The following ITGA9 variants were observed in gnomAD, a reference collection of about 807,000 sequenced individuals.
The protein encoded by ITGA9 is integrin subunit alpha 9.
Under a neutral mutation model 127.8 loss-of-function variants are expected in ITGA9, and 56 were observed. That is an observed-to-expected ratio of 0.44 (90% CI 0.35 to 0.55). ITGA9 has a LOEUF of 0.55. Ranked by LOEUF, ITGA9 falls within the 20% of genes least tolerant of loss-of-function variation. ITGA9 has a pLI of 0.00. For missense variants in ITGA9, 1,196 were observed against 1,347.1 expected, an observed-to-expected ratio of 0.89 and a Z score of 1.76; for synonymous variants, 508 against 514.5, an observed-to-expected ratio of 0.99 and a Z score of 0.17.
At chr3:37,772,824 T>C (rs1032568168) in intron 23 of ITGA9, among the ~76,000 whole-genome samples, 2 of 152,180 alleles carry the variant, frequency 1.3e-5, no homozygotes, top group Admixed American at 1.3e-4. Flanking sequence ...AGATTTTCAT[T>C]CACCGCAGAC....
chr3:37,711,576 T>A (rs1030766799), intron 18 of ITGA9, among the ~76,000 whole-genome samples: 2 of 152,154 alleles, frequency 1.3e-5, no homozygotes, highest in Admixed American at 6.5e-5. Flanking sequence ...GCTCATTTTT[T>A]AATTTTTCGT....
intron 16 of ITGA9, among the ~76,000 whole-genome samples, chr3:37,643,926 C>CT (rs1215158451): frequency 6.6e-6 from 1 of 152,140 alleles, no homozygotes; most frequent in African/African-American, 2.4e-5. Flanking sequence ...GGCTGGCATC[C>CT]TTTTTTCTTT....
chr3:37,558,906 C>T (rs1211138541), intron 15 of ITGA9, among the ~76,000 whole-genome samples: 2 of 152,224 alleles, frequency 1.3e-5, no homozygotes, highest in Non-Finnish European at 2.9e-5. Context: ...TCTCACCGTT[C>T]TCCCCAGGGT....
chr3:37,772,279 G>A (rs1696854056), intron 23 of ITGA9, among the ~76,000 whole-genome samples: 1 of 152,100 alleles, frequency 6.6e-6, no homozygotes, highest in Non-Finnish European at 1.5e-5. Flanking sequence ...ATGGTGGCGT[G>A]TGCCTGTAAT....
intron 15 of ITGA9, among the ~76,000 whole-genome samples, chr3:37,602,375 A>T (rs1699930172): frequency 6.6e-6 from 1 of 152,176 alleles, no homozygotes; most frequent in Non-Finnish European, 1.5e-5. Context: ...AATAGGAGAT[A>T]TAAAACTGGG....
intron 16 of ITGA9, among the ~76,000 whole-genome samples, chr3:37,640,752 A>C (rs1214242614): frequency 1.3e-5 from 2 of 152,204 alleles, no homozygotes; most frequent in Non-Finnish European, 2.9e-5. Context: ...GGGAAGGAGC[A>C]CAGGCTGTGC....
chr3:37,672,270 C>T (rs1700644078), intron 17 of ITGA9, among the ~76,000 whole-genome samples: 1 of 152,158 alleles, frequency 6.6e-6, no homozygotes, highest in Non-Finnish European at 1.5e-5. Context: ...CATGTTGTGG[C>T]AGGAACCCGG....
chr3:37,519,086 CTTT>C (rs11457089), intron 10 of ITGA9, among the ~76,000 whole-genome samples, 171 bp from the exon 11 acceptor site: 6,154 of 141,330 alleles, frequency 0.044, 378 homozygotes, highest in African/African-American at 0.14. Flanking sequence ...CACTGGCCTA[CTTT>C]TTTTTTTTTT....
intron 15 of ITGA9, among the ~76,000 whole-genome samples, chr3:37,573,988 G>C (rs1699627323): frequency 6.6e-6 from 1 of 152,108 alleles, no homozygotes; most frequent in Non-Finnish European, 1.5e-5. Flanking sequence ...TTCTTATCCT[G>C]TTGAAAATTT....
At chr3:37,491,598 T>C (rs1157198916) in intron 4 of ITGA9, among the ~76,000 whole-genome samples, 1 of 152,190 alleles carries the variant, frequency 6.6e-6, no homozygotes, top group Non-Finnish European at 1.5e-5. Flanking sequence ...GACTTGTCAA[T>C]GGAGGGAGGG....
chr3:37,487,953 C>G (rs1185382138), intron 4 of ITGA9, among the ~76,000 whole-genome samples: 1 of 152,142 alleles, frequency 6.6e-6, no homozygotes, highest in East Asian at 1.9e-4. Context: ...CCAGTAGGTA[C>G]AGAGGGCAGA....
chr3:37,597,080 C>G lies in ITGA9; in HGVS notation c.1690-32107C>G, dbSNP rs1232805993. ...CCACTTCCCACCCTCTAGCAACCTT[C>G]AAAGCCTGAAGTAGGGCCAAGTTGG... On this transcript the variant is annotated intron_variant, in intron 15 of 27. Coordinates refer to ENST00000264741, the MANE Select transcript of ITGA9 (RefSeq NM_002207.3). This position sits in a 1 kb window ranked among gnomAD's most constrained non-coding sequence, Gnocchi z 4.6. Among the ~76,000 whole-genome samples, 1 of 152,192 alleles carries G rather than the reference C, an allele frequency of 6.6e-6. No homozygotes were observed. Among genetic ancestry groups the G allele is most frequent in the Non-Finnish European group, 1.5e-5 (1 of 68,038 alleles).
intron 16 of ITGA9, among the ~76,000 whole-genome samples, chr3:37,649,361 A>C (rs1700408846): frequency 6.6e-6 from 1 of 152,212 alleles, no homozygotes; most frequent in Admixed American, 6.5e-5. Context: ...TTTTAGATTC[A>C]AGGACACACA....
At chr3:37,735,650 G>A (rs989369496) in intron 19 of ITGA9, among the ~76,000 whole-genome samples, 1 of 152,160 alleles carries the variant, frequency 6.6e-6, no homozygotes, top group East Asian at 1.9e-4. Flanking sequence ...GTTTGTGGTG[G>A]AACCTGGTCC....
chr3:37,714,819 C>T (rs1269893512), intron 18 of ITGA9, among the ~76,000 whole-genome samples: 1 of 152,184 alleles, frequency 6.6e-6, no homozygotes, highest in Admixed American at 6.5e-5. Flanking sequence ...GTGCTACGGG[C>T]AGGTTATCCC....
chr3:37,764,465 G>GT (rs1696756178), intron 23 of ITGA9, among the ~76,000 whole-genome samples: 1 of 8,674 alleles, frequency 1.2e-4, no homozygotes, highest in Non-Finnish European at 2.8e-4. Context: ...GAGATTCTCA[G>GT]TAAAAAAAAA....
intron 3 of ITGA9, among the ~76,000 whole-genome samples, chr3:37,477,704 G>A (rs767411272): frequency 1.6e-4 from 25 of 152,136 alleles, no homozygotes; most frequent in Non-Finnish European, 3.1e-4. Flanking sequence ...CTCTGTATAG[G>A]CACTGACTGC....
intron 15 of ITGA9, among the ~76,000 whole-genome samples, chr3:37,607,093 C>T (rs1413660150): frequency 1.3e-5 from 2 of 151,368 alleles, no homozygotes; most frequent in Non-Finnish European, 2.9e-5. Context: ...AGGGATCCTC[C>T]TGCCTCAGTC....
intron 18 of ITGA9, among the ~76,000 whole-genome samples, chr3:37,707,898 GT>G (rs1314437738): frequency 1.3e-5 from 2 of 152,154 alleles, no homozygotes; most frequent in African/African-American, 2.4e-5. Context: ...TGCAAAGGGG[GT>G]GGGTGAGTGA....
Sources: gnomAD v4.1 joint callset for allele counts (sites outside exome capture counted in the v4.1 genomes callset) on GRCh38, gnomAD v4.1.1 for gene constraint, Gnocchi (gnomAD v3.1) non-coding constraint, MANE v1.5 for transcripts, NCBI Gene and HGNC (gene_info 2026-07-23, HGNC 2026-07-21) for gene names.